The following AMPH variants were observed in gnomAD, a reference collection of about 807,000 sequenced individuals.
The protein encoded by AMPH is amphiphysin, also known as amphiphysin (Stiff-Mann syndrome with breast cancer 128kD autoantigen).
In AMPH, 49 loss-of-function variants were observed where a neutral mutation model predicts 99.1. The observed-to-expected ratio is 0.49, with a 90% confidence interval of 0.39 to 0.63. AMPH has a LOEUF of 0.63. Ranked by LOEUF, AMPH falls within the 20% of genes least tolerant of loss-of-function variation. The pLI is 0.00. For synonymous variants in AMPH, 314 were observed against 317.3 expected, an observed-to-expected ratio of 0.99 and a Z score of 0.11; for missense variants, 759 against 863.4, an observed-to-expected ratio of 0.88 and a Z score of 1.52.
At chr7:38,413,359 A>C (rs899215925) in intron 17 of AMPH, among the ~76,000 whole-genome samples, 1 of 107,358 alleles carries the variant, frequency 9.3e-6, no homozygotes, top group Non-Finnish European at 1.9e-5. Flanking sequence ...AAAAAAGCCA[A>C]AGTATCTGAA....
At chr7:38,514,512 A>G (rs1188146266) in intron 2 of AMPH, among the ~76,000 whole-genome samples, 1 of 152,214 alleles carries the variant, frequency 6.6e-6, no homozygotes. Context: ...TTGAAATTTA[A>G]TTGCCGTTGT....
chr7:38,433,963 G>A lies in AMPH; in HGVS notation c.1135-1751C>T, dbSNP rs143497670. ...ACTTGAAAACATGGGGTCAGGTGAT[G>A]GGTAAAGGAGGTCATTTTGAGTGAA... On this transcript the variant is annotated intron_variant, in intron 12 of 20. Transcript: ENST00000356264. Among the ~76,000 whole-genome samples the A allele has an allele frequency of 1.1e-3, 170 of 152,236 alleles. 1 individual carries two copies. The highest frequency in any genetic ancestry group is 3.9e-3 in the African/African-American group (162 of 41,538).
At chr7:38,446,336 T>C (rs1334555054) in intron 11 of AMPH, among the ~76,000 whole-genome samples, 3 of 152,232 alleles carry the variant, frequency 2.0e-5, no homozygotes, top group Non-Finnish European at 1.5e-5. Context: ...AATGAAAGCA[T>C]GCATGCACAC....
At chr7:38,548,571 C>T (rs1196728500) in intron 1 of AMPH, among the ~76,000 whole-genome samples, 2 of 151,864 alleles carry the variant, frequency 1.3e-5, no homozygotes, top group Non-Finnish European at 2.9e-5. Flanking sequence ...TTGTCCCATG[C>T]CAAGGAAATC....
chr7:38,442,679 T>C (rs1786599247), intron 11 of AMPH, among the ~76,000 whole-genome samples: 1 of 152,068 alleles, frequency 6.6e-6, no homozygotes, highest in Admixed American at 6.6e-5. Flanking sequence ...TCAAAATGTA[T>C]GGGATGCTGC....
At chr7:38,403,695 G>A (rs548433973) in intron 17 of AMPH, among the ~76,000 whole-genome samples, 66 of 152,346 alleles carry the variant, frequency 4.3e-4, no homozygotes, top group African/African-American at 1.4e-3. Context: ...CTGCCAAAGT[G>A]CCCCTTGGAA....
chr7:38,585,665 T>C (rs1310209068), intron 1 of AMPH, among the ~76,000 whole-genome samples: 1 of 152,262 alleles, frequency 6.6e-6, no homozygotes, highest in Non-Finnish European at 1.5e-5. Context: ...AATACATGGA[T>C]CTGTCCAATA....
At chr7:38,610,399 A>T (rs28561580) in intron 1 of AMPH, among the ~76,000 whole-genome samples, 2,875 of 141,500 alleles carry the variant, frequency 0.02, 271 homozygotes, top group African/African-American at 0.077. Flanking sequence ...AAAAGAAAAG[A>T]AAAGAAAAGA....
chr7:38,407,165 T>TAG (rs1048115568), intron 17 of AMPH, among the ~76,000 whole-genome samples: 3 of 142,922 alleles, frequency 2.1e-5, no homozygotes, highest in African/African-American at 7.7e-5. Context: ...TCTATCTATA[T>TAG]CTATCTATCT....
In AMPH at chr7:38,398,182, C is replaced by CAAAA. The variant is rs33972156; in HGVS notation, c.1399-3972_1399-3969dup. On this transcript the variant is annotated intron_variant, in intron 17 of 20. Coordinates refer to ENST00000356264, the MANE Select transcript of AMPH (RefSeq NM_001635.4). ...GCAATCCCACTGCTAGGTATATACT[C>CAAAA]AAAAAAAAAAAAACAAAAAAAAAAG... is the stretch of plus-strand genomic sequence containing the variant. Among the ~76,000 whole-genome samples the CAAAA allele has an allele frequency of 5.7e-3, 652 of 114,716 alleles. 8 individuals carry two copies. Among genetic ancestry groups the CAAAA allele is most frequent in the African/African-American group, 0.02 (609 of 30,932 alleles). 75.3% of individuals were successfully genotyped at this position (114,716 alleles called of 152,430 possible).
intron 7 of AMPH, among the ~76,000 whole-genome samples, chr7:38,467,009 G>A (rs926582206): frequency 2.0e-5 from 3 of 152,132 alleles, no homozygotes; most frequent in Non-Finnish European, 4.4e-5. Context: ...GATTTTAAAA[G>A]ATCATATACT....
chr7:38,565,873 A>G (rs1791722503), intron 1 of AMPH, among the ~76,000 whole-genome samples: 1 of 152,192 alleles, frequency 6.6e-6, no homozygotes, highest in Non-Finnish European at 1.5e-5. Context: ...TTTTTGTAAA[A>G]CAGTTCCATT....
chr7:38,431,227 C>A (rs1235773962), intron 13 of AMPH, among the ~76,000 whole-genome samples: 2 of 152,228 alleles, frequency 1.3e-5, no homozygotes, highest in African/African-American at 4.8e-5. Flanking sequence ...GTAATAACAT[C>A]TACCTTTTAT....
chr7:38,396,590 A>T (rs972786634), intron 17 of AMPH, among the ~76,000 whole-genome samples: 3 of 152,264 alleles, frequency 2.0e-5, no homozygotes, highest in Non-Finnish European at 2.9e-5. Context: ...TGAATTATAA[A>T]TGCTGATCAT....
chr7:38,455,749 G>A (rs1176118694), intron 11 of AMPH, among the ~76,000 whole-genome samples: 3 of 152,220 alleles, frequency 2.0e-5, no homozygotes, highest in Non-Finnish European at 4.4e-5. Context: ...TTGTTCCAGA[G>A]AGAGAACTCA....
chr7:38,628,406 T>C (rs1385825695), intron 1 of AMPH, among the ~76,000 whole-genome samples: 1 of 152,230 alleles, frequency 6.6e-6, no homozygotes, highest in Non-Finnish European at 1.5e-5. Flanking sequence ...TAGGAATTTA[T>C]CTAAGGAGAT....
intron 11 of AMPH, among the ~76,000 whole-genome samples, chr7:38,460,489 C>T (rs190435566): frequency 2.0e-5 from 3 of 152,158 alleles, no homozygotes; most frequent in African/African-American, 7.2e-5. Flanking sequence ...TATAGACACA[C>T]AATGGTATAG....
At chr7:38,432,071 CTATATCATCAT>C in intron 13 of AMPH, 107 bp downstream of exon 13, 2 of 899,944 alleles carry the variant, frequency 2.2e-6, no homozygotes, top group Non-Finnish European at 3.8e-6. Context: ...TTCTAGGGGA[CTATATCATCAT>C]TAAATGTATG....
At chr7:38,458,994 T>C (rs1376073994) in intron 11 of AMPH, among the ~76,000 whole-genome samples, 1 of 151,832 alleles carries the variant, frequency 6.6e-6, no homozygotes, top group Non-Finnish European at 1.5e-5. Flanking sequence ...AAAAAAAACC[T>C]CCTAAATTTG....
Sources: gnomAD v4.1 joint callset for allele counts (sites outside exome capture counted in the v4.1 genomes callset) on GRCh38, gnomAD v4.1.1 for gene constraint, MANE v1.5 for transcripts, NCBI Gene and HGNC (gene_info 2026-07-23, HGNC 2026-07-21) for gene names.